Variants in ATG16L2 observed in about 807,000 individuals in gnomAD.
ATG16L2 encodes the protein autophagy related 16 like 2, also known as protein Atg16l2.
In ATG16L2, 77 loss-of-function variants were observed where a neutral mutation model predicts 84.7. The observed-to-expected ratio is 0.91, with a 90% CI of 0.76 to 1.10. The LOEUF (loss-of-function observed/expected upper bound fraction) is 1.10. Among genes scored for constraint, ATG16L2 ranks in the 50% least tolerant of loss-of-function variants. The probability of loss-of-function intolerance (pLI) is 0.00; values close to 1 mark genes in which losing one functional copy is unlikely to be tolerated. For synonymous variants in ATG16L2, 361 were observed against 342.8 expected (o/e 1.05, Z -0.59); for missense variants, 782 against 817.6 (o/e 0.96, Z 0.53).
chr11:72,825,219 C>G (rs779945229), intron 9 of ATG16L2, 83 bp from the exon 10 acceptor site: 18 of 1,063,124 alleles, frequency 1.7e-5, no homozygotes, highest in Non-Finnish European at 2.4e-5. Context: ...TGTGTCTGCA[C>G]AGGCACCGGT....
chr11:72,821,528 C>T, intron 3 of ATG16L2, 140 bp from the exon 4 acceptor site: 1 of 1,456,626 alleles, frequency 6.9e-7, no homozygotes, highest in Non-Finnish European at 9.0e-7. Flanking sequence ...TGCAAGGTCC[C>T]AAACCTGTGT....
At chr11:72,838,709 T>A in intron 5 of ATG16L2, 2 of 1,164,926 alleles carry the variant, frequency 1.7e-6, no homozygotes, top group Non-Finnish European at 2.5e-6. Flanking sequence ...GTCATCATCA[T>A]GCAAAGGTGC....
intron 5 of ATG16L2, chr11:72,838,475 G>A (rs1301196383): frequency 2.5e-6 from 1 of 396,602 alleles, no homozygotes; most frequent in South Asian, 2.9e-5. Flanking sequence ...CTGTGCCCTG[G>A]AATGAGGCCT....
Position 72,821,351 on chromosome 11 carries a change from C to T in ATG16L2, c.319-317C>T. 2.6e-6 allele frequency: 3 copies of T among 1,170,114 alleles called. No homozygotes were observed. The South Asian group carries it at 6.6e-5, about 26-fold the overall frequency. The allele number at this position is 1,170,114 out of a possible 1,614,324, so 72.5% of individuals were successfully genotyped here. A position where few individuals can be genotyped will look rare whatever the true frequency, so the allele number is the denominator to read the frequency against. On this transcript the variant is annotated intron_variant, in intron 3 of 17. Transcript: ENST00000321297. ...GTTATGCATGGTGCTGGGAGCGGAG[C>T]GCTGGCTTCCCACTCTTCAGGCGAG...
chr11:72,832,117 T>C (rs1422831502), downstream of ATG16L2, among the ~76,000 whole-genome samples: 2 of 152,206 alleles, frequency 1.3e-5, no homozygotes, highest in Non-Finnish European at 2.9e-5. Context: ...GTGAGGGAAC[T>C]TGAATCTTGG....
At chr11:72,816,982 G>A (rs903350732) in intron 2 of ATG16L2, among the ~76,000 whole-genome samples, 155 bp downstream of exon 2, 4 of 152,012 alleles carry the variant, frequency 2.6e-5, no homozygotes, top group Non-Finnish European at 4.4e-5. Context: ...GGGTGGTGGG[G>A]GAGGCAGGCC....
chr11:72,822,179 C>G lies in ATG16L2; in HGVS notation c.528C>G (p.Leu176=). ...AYEALRAHVG[L]REAALRRLQE... ...AGGCGCTGCGCGCGCACGTCGGGCT[C>G]CGGGAGGCGGCACTGCGCAGGCTCC... Residue 176 remains leucine (L), a synonymous_variant, in exon 5 of 18, where the codon CTC becomes CTG. Coordinates refer to ENST00000321297, the MANE Select transcript of ATG16L2 (RefSeq NM_033388.2). The surrounding 1 kb of genome is among the most constrained non-coding windows in gnomAD (Gnocchi z 4.2). 1 of 1,498,174 alleles carries G rather than the reference C, an allele frequency of 6.7e-7. No homozygotes were observed. Among genetic ancestry groups the G allele is most frequent in the Non-Finnish European group, 8.8e-7 (1 of 1,133,764 alleles). 92.8% of individuals were successfully genotyped at this position (1,498,174 alleles called of 1,614,324 possible). A position where few individuals can be genotyped will look rare whatever the true frequency, so the allele number is the denominator to read the frequency against.
chr11:72,839,844 T>C (rs1247474483), intron 5 of ATG16L2, among the ~76,000 whole-genome samples: 1 of 152,102 alleles, frequency 6.6e-6, no homozygotes, highest in Non-Finnish European at 1.5e-5. Flanking sequence ...GCTGTGGAAG[T>C]AGATGAGGTC....
chr11:72,833,634 G>C (rs1860653502), downstream of ATG16L2, among the ~76,000 whole-genome samples: 1 of 152,122 alleles, frequency 6.6e-6, no homozygotes, highest in African/African-American at 2.4e-5. Flanking sequence ...AAACATTCTA[G>C]GAAAGGCCGG....
chr11:72,827,138 C>T, intron 13 of ATG16L2, 50 bp from the exon 14 acceptor site: 1 of 1,453,136 alleles, frequency 6.9e-7, no homozygotes, highest in East Asian at 2.3e-5. Flanking sequence ...TGTGGGGTGG[C>T]TCCCGACAAC....
At chr11:72,843,432 T>C (rs768481270) in exon 6 of ATG16L2, 8 of 1,609,114 alleles carry the variant, frequency 5.0e-6, no homozygotes, top group Non-Finnish European at 6.8e-6. Context: ...AAGGGCGATA[T>C]GAGCAAAGGA....
Position 72,824,126 on chromosome 11 carries a change from A to AGT in ATG16L2, c.887+14_887+15dup, listed in dbSNP as rs752823580. On this transcript the variant is annotated splice_donor_region_variant and intron_variant, in intron 8 of 17. Transcript: ENST00000321297. ...ATGTGGTGAAGGGGCTTCTGGAGTA[A>AGT]GTGTGTGTGTGCCTGTGTGTGCACC... 90 of 1,614,030 alleles carry AGT rather than the reference A, an allele frequency of 5.6e-5. No individual in the cohort carries two copies. In the African/African-American group the frequency reaches 1.1e-3, roughly 19 times the overall value.
chr11:72,821,602 C>A (rs992699145), intron 3 of ATG16L2, 66 bp from the exon 4 acceptor site: 2 of 1,505,932 alleles, frequency 1.3e-6, no homozygotes, highest in Middle Eastern at 1.7e-4. Context: ...TTAGCGCCTT[C>A]GGCCCCGGAG....
At chr11:72,836,491 A>C (rs904720069) in intron 5 of ATG16L2, among the ~76,000 whole-genome samples, 1 of 151,972 alleles carries the variant, frequency 6.6e-6, no homozygotes, top group Non-Finnish European at 1.5e-5. Flanking sequence ...TACTGTCCTC[A>C]CGTATTTCTT....
chr11:72,822,201 C>T lies in ATG16L2; in HGVS notation c.550C>T (p.Leu184Phe). ...VGLREAALRR[L>F]QEEARDLLER... Reference sequence around the variant, plus strand: ...GCTCCGGGAGGCGGCACTGCGCAGGCTCCAGGAAGAGGCGCGCGACCTGCT... The same window carrying T: ...GCTCCGGGAGGCGGCACTGCGCAGGTTCCAGGAAGAGGCGCGCGACCTGCT... The change falls in exon 5 of 18, where the codon CTC (leucine) becomes TTC (phenylalanine). Residue 184 changes from leucine to phenylalanine, a missense_variant. By Grantham distance (22) the Leu-to-Phe change is conservative. Transcript: ENST00000321297. The surrounding 1 kb of genome is among the most constrained non-coding windows in gnomAD (Gnocchi z 4.2). 1 of 1,505,788 alleles carries T rather than the reference C, an allele frequency of 6.6e-7. No homozygotes were observed. The highest frequency in any genetic ancestry group is 1.2e-5 in the South Asian group (1 of 81,218). The allele number at this position is 1,505,788 out of a possible 1,614,324, so 93.3% of individuals were successfully genotyped here.
chr11:72,839,701 A>G (rs943960525), intron 5 of ATG16L2, among the ~76,000 whole-genome samples: 1 of 152,200 alleles, frequency 6.6e-6, no homozygotes, highest in Non-Finnish European at 1.5e-5. Context: ...GGAAGGGAAC[A>G]TAACTCATTT....
chr11:72,836,758 TTTA>T, intron 5 of ATG16L2: 1 of 152,646 alleles, frequency 6.6e-6, no homozygotes, highest in East Asian at 1.9e-4. Context: ...TTCCATTTTT[TTTA>T]TTATTCAACA....
Position 72,829,359 on chromosome 11 carries a change from A to G in ATG16L2, c.1829A>G (p.Asp610Gly), listed in dbSNP as rs1860548706. 2 of 1,612,440 alleles carry G rather than the reference A, an allele frequency of 1.2e-6. No homozygotes were observed. Among genetic ancestry groups the G allele is most frequent in the Non-Finnish European group, 1.7e-6 (2 of 1,179,814 alleles). ...CYSGSHMVSV[D>G]QGRKVVLWQ is the part of the protein sequence containing the mutation. ...TCCGGGAGCCACATGGTGAGCGTGG[A>G]CCAGGGCAGGAAGGTTGTGCTCTGG... The change falls in exon 18 of 18, where the codon GAC becomes GGC. Residue 610 changes from aspartate (D) to glycine (G), a missense_variant. Physicochemically the swap from Asp to Gly is moderately conservative, Grantham distance 94. Transcript: ENST00000321297.
chr11:72,822,484 G>C lies in ATG16L2; in HGVS notation c.651G>C (p.Lys217Asn), dbSNP rs771688111. The change falls in exon 6 of 18, where the codon AAG (lysine) becomes AAC (asparagine). Residue 217 changes from lysine (K) to asparagine (N), a missense_variant. Coordinates refer to ENST00000321297, the MANE Select transcript of ATG16L2 (RefSeq NM_033388.2). This position sits in a 1 kb window ranked among gnomAD's most constrained non-coding sequence, Gnocchi z 4.2. ...NLRNERRERA[K>N]QARVSQELKK... ...ATGCTTTTTACCCAACAAGGGCCAA[G>C]CAGGCGCGGGTGTCCCAGGAGCTGA... The C allele has an allele frequency of 6.2e-7, 1 of 1,612,894 alleles. No homozygotes were observed. The highest frequency in any genetic ancestry group is 8.5e-7 in the Non-Finnish European group (1 of 1,179,532).
Sources: gnomAD v4.1 joint callset for allele counts (sites outside exome capture counted in the v4.1 genomes callset) on GRCh38, gnomAD v4.1.1 for gene constraint, Gnocchi (gnomAD v3.1) non-coding constraint, MANE v1.5 for transcripts, NCBI Gene and HGNC (gene_info 2026-07-23, HGNC 2026-07-21) for gene names.